MTHFS: variants seen among roughly 807,000 people sequenced by gnomAD.
MTHFS encodes 5-formyltetrahydrofolate cyclo-ligase.
A neutral mutation model predicts 12.7 loss-of-function variants in MTHFS; 7 were observed. That is an observed-to-expected ratio of 0.55 (90% CI 0.31 to 1.03). The LOEUF (loss-of-function observed/expected upper bound fraction) is 1.03. Among genes scored for constraint, MTHFS ranks in the 50% least tolerant of loss-of-function variants. MTHFS has a pLI of 0.05. For missense variants in MTHFS, 252 were observed against 258.1 expected (o/e 0.98, Z 0.16); for synonymous variants, 100 against 97.1 (o/e 1.03, Z -0.18).
At chr15:79,889,470 A>T in intron 1 of MTHFS, 116 bp from the exon 2 acceptor site, 1 of 1,328,966 alleles carries the variant, frequency 7.5e-7, no homozygotes, top group Non-Finnish European at 9.9e-7. Context: ...AAAAAGAAAA[A>T]AAAAGGGGGG....
At chr15:79,858,471 CTGTT>C (rs1402109428) in intron 2 of MTHFS, among the ~76,000 whole-genome samples, 5 of 152,208 alleles carry the variant, frequency 3.3e-5, no homozygotes, top group Admixed American at 1.3e-4. Context: ...TAGCCCTCCT[CTGTT>C]TGTGTGACTT....
chr15:79,854,810 T>A (rs2033772403), intron 2 of MTHFS, among the ~76,000 whole-genome samples: 1 of 152,220 alleles, frequency 6.6e-6, no homozygotes, highest in South Asian at 2.1e-4. Context: ...TGTCAACAGA[T>A]AATAGTAATT....
At chr15:79,870,301 G>A (rs2034080501) in intron 2 of MTHFS, among the ~76,000 whole-genome samples, 1 of 152,134 alleles carries the variant, frequency 6.6e-6, no homozygotes, top group South Asian at 2.1e-4. Flanking sequence ...TTGGAACACT[G>A]TCTGTTTTGG....
At chr15:79,892,176 T>C (rs972264798) in intron 1 of MTHFS, among the ~76,000 whole-genome samples, 3 of 152,062 alleles carry the variant, frequency 2.0e-5, no homozygotes, top group African/African-American at 7.2e-5. Context: ...TCTGAAAATA[T>C]ACTCTAATAA....
At chr15:79,886,453 T>A (rs945234302) in intron 2 of MTHFS, among the ~76,000 whole-genome samples, 2 of 151,130 alleles carry the variant, frequency 1.3e-5, no homozygotes, top group South Asian at 2.1e-4. Flanking sequence ...TAATCCTCTA[T>A]CCCTTTACAA....
chr15:79,850,701 G>A (rs2033701086), intron 2 of MTHFS, among the ~76,000 whole-genome samples: 1 of 152,124 alleles, frequency 6.6e-6, no homozygotes, highest in Non-Finnish European at 1.5e-5. Context: ...TATTAGATTT[G>A]GCAACTAGGG....
chr15:79,843,968 G>A lies in MTHFS; in HGVS notation c.*1242C>T, dbSNP rs919829295. ...CAACAGAAAGAGCATTTCAGACAGA[G>A]AGAAATGCATGCTTACTATGTGCAA... On this transcript the variant is annotated 3_prime_UTR_variant, in exon 3 of 3. Coordinates refer to ENST00000258874, the MANE Select transcript of MTHFS (RefSeq NM_006441.4). 1 of 152,368 alleles carries A rather than the reference G, an allele frequency of 6.6e-6. No individual in the cohort carries two copies. The highest frequency in any genetic ancestry group is 2.4e-5 in the African/African-American group (1 of 41,584). The allele number at this position is 152,368 out of a possible 1,614,324, so 9.4% of individuals were successfully genotyped here. A position where few individuals can be genotyped will look rare whatever the true frequency, so the allele number is the denominator to read the frequency against.
chr15:79,883,542 C>T (rs1280414100), intron 2 of MTHFS, among the ~76,000 whole-genome samples: 2 of 152,118 alleles, frequency 1.3e-5, no homozygotes, highest in Non-Finnish European at 2.9e-5. Context: ...ACGTAAAGTG[C>T]CAAGTACATA....
At position 79,896,901 on chromosome 15, in the gene MTHFS, G is replaced by A. The variant is rs913038753; in HGVS notation, c.88C>T (p.Leu30=). The A allele has an allele frequency of 3.6e-5, 55 of 1,542,768 alleles. No homozygotes were observed. The highest frequency in any genetic ancestry group is 7.8e-5 in the Admixed American group (4 of 50,956). Residue 30 remains leucine (L), a synonymous_variant, in exon 1 of 3, where the codon CTA becomes TTA. Transcript: ENST00000258874. ...RLRAMSAEER[L]RQSRVLSQKV... ...TGGCTCAGTACGCGGGACTGGCGTA[G>A]CCGCTCCTCGGCACTCATCGCCCGC...
intron 2 of MTHFS, among the ~76,000 whole-genome samples, chr15:79,883,031 G>A (rs544002985): frequency 2.4e-4 from 37 of 152,286 alleles, no homozygotes; most frequent in Non-Finnish European, 3.7e-4. Flanking sequence ...CAGAGTAGAC[G>A]TGTCTCTACA....
At chr15:79,883,373 C>T (rs2034329048) in intron 2 of MTHFS, among the ~76,000 whole-genome samples, 1 of 152,170 alleles carries the variant, frequency 6.6e-6, no homozygotes, top group Non-Finnish European at 1.5e-5. Flanking sequence ...AAACTGTTAG[C>T]TTCACCTCAA....
rs576897920 is a variant in MTHFS at position 79,895,624 on chromosome 15, G to A, written c.117+1248C>T. 1.9e-4 allele frequency among the ~76,000 whole-genome samples: 29 copies of A among 152,298 alleles called. 1 individual carries two copies. The highest frequency in any genetic ancestry group is 6.5e-4 in the African/African-American group (27 of 41,578). ...TACATCTACTAAAACACCCAGCAATGCTTCCTCATAATAGCTAAAATAATT... is the reference window on the plus strand; with the variant it reads ...TACATCTACTAAAACACCCAGCAATACTTCCTCATAATAGCTAAAATAATT... On this transcript the variant is annotated intron_variant, in intron 1 of 2. Transcript: ENST00000258874.
At chr15:79,878,078 G>C (rs2034231653) in intron 2 of MTHFS, 1 of 152,066 alleles carries the variant, frequency 6.6e-6, no homozygotes, top group African/African-American at 2.4e-5. Context: ...AAGAACACTG[G>C]AAACAGTAAG....
rs78654862 is a variant in MTHFS, at chr15:79,870,664, C to T, written c.379+18429G>A. ...CAAGAATAAAGAAGATATGCTATAA[C>T]AGTAGGAACAAGGAATCATGAACCC... On this transcript the variant is annotated intron_variant, in intron 2 of 2. Transcript: ENST00000258874. 0.019 allele frequency among the ~76,000 whole-genome samples: 2,940 copies of T among 152,218 alleles called. 182 individuals are homozygous for T. The East Asian group carries it at 0.22, about 11-fold the overall frequency.
At chr15:79,856,376 G>A (rs1224359067) in intron 2 of MTHFS, among the ~76,000 whole-genome samples, 1 of 151,992 alleles carries the variant, frequency 6.6e-6, no homozygotes, top group African/African-American at 2.4e-5. Flanking sequence ...TTTTCTTCTT[G>A]TAAATTTAAG....
At chr15:79,872,615 G>A (rs1043589522) in intron 2 of MTHFS, among the ~76,000 whole-genome samples, 5 of 152,314 alleles carry the variant, frequency 3.3e-5, no homozygotes, top group Non-Finnish European at 7.3e-5. Flanking sequence ...TGTAAATTAA[G>A]GGGCAGGTCA....
chr15:79,866,768 T>G (rs1456415951), intron 2 of MTHFS, among the ~76,000 whole-genome samples: 2 of 152,046 alleles, frequency 1.3e-5, no homozygotes, highest in East Asian at 3.9e-4. Flanking sequence ...CCGACCAACA[T>G]GAAGAAACCC....
intron 2 of MTHFS, 88 bp from the exon 3 acceptor site, chr15:79,845,530 T>C (rs1427012856): frequency 4.7e-6 from 7 of 1,479,488 alleles, no homozygotes; most frequent in African/African-American, 2.8e-5. Context: ...ATGACATCAA[T>C]TCTTTCTCTG....
intron 2 of MTHFS, among the ~76,000 whole-genome samples, chr15:79,869,987 T>C (rs1167281259): frequency 1.3e-5 from 2 of 152,194 alleles, no homozygotes; most frequent in Non-Finnish European, 2.9e-5. Flanking sequence ...AAAAAGATAG[T>C]TGAAAATAGT....
Sources: allele counts gnomAD v4.1 joint callset (sites outside exome capture counted in the v4.1 genomes callset), GRCh38; gene constraint gnomAD v4.1.1; transcripts MANE v1.5; gene names NCBI Gene and HGNC (gene_info 2026-07-23, HGNC 2026-07-21).